Variants in ANKFN1 observed in about 807,000 individuals in gnomAD.
The protein encoded by ANKFN1 is ankyrin repeat and fibronectin type-III domain-containing protein 1.
A neutral mutation model predicts 108.7 loss-of-function variants in ANKFN1; 74 were observed. That is an observed-to-expected ratio of 0.68 (90% confidence interval 0.56 to 0.83). The LOEUF (loss-of-function observed/expected upper bound fraction) is 0.83, where lower values mean the gene tolerates loss of function less well. Ranked by LOEUF, ANKFN1 falls within the 40% of genes least tolerant of loss-of-function variation. ANKFN1 has a pLI of 0.00. For missense variants in ANKFN1, 1,505 were observed against 1,382.3 expected (o/e 1.09, Z -1.41); for synonymous variants, 547 against 516.2 (o/e 1.06, Z -0.81).
chr17:56,510,524 C>A lies in ANKFN1; in HGVS notation c.2696C>A (p.Thr899Asn), dbSNP rs1324884580. The A allele has an allele frequency of 6.5e-7, 1 of 1,536,214 alleles. No individual in the cohort carries two copies. Among genetic ancestry groups the A allele is most frequent in the Admixed American group, 2.0e-5 (1 of 51,006 alleles). Residue 899 changes from threonine (T) to asparagine (N), a missense_variant, in exon 21 of 21, where the codon ACC becomes AAC. By Grantham distance (65) the Thr-to-Asn change is moderately conservative (BLOSUM62 0). Coordinates refer to ENST00000682825, the MANE Select transcript of ANKFN1 (RefSeq NM_001370326.1). ...EEACSEVFLP[T>N]NSDYDSSDAL... ...GCCTGCTCAGAAGTCTTCCTCCCCA[C>A]CAACAGTGACTACGACTCCAGCGAT...
At chr17:56,080,509 C>G (rs1435365444) in intron 4 of ANKFN1, among the ~76,000 whole-genome samples, 1 of 152,166 alleles carries the variant, frequency 6.6e-6, no homozygotes, top group Non-Finnish European at 1.5e-5. Context: ...CCAAGATAAT[C>G]GTTGAGTGGC....
At chr17:56,105,744 A>T (rs1905739697) in intron 4 of ANKFN1, among the ~76,000 whole-genome samples, 1 of 99,088 alleles carries the variant, frequency 1.0e-5, no homozygotes, top group Non-Finnish European at 2.2e-5. Context: ...TGTGTGTATG[A>T]GACAGGGAGA....
intron 18 of ANKFN1, among the ~76,000 whole-genome samples, chr17:56,487,328 A>G (rs934809785): frequency 1.3e-5 from 2 of 152,148 alleles, no homozygotes; most frequent in African/African-American, 4.8e-5. Context: ...CAGGAACAGA[A>G]GGAAAAGCAG....
chr17:56,456,401 CTTTTTTTTT>C (rs397713657), intron 11 of ANKFN1, among the ~76,000 whole-genome samples: 4 of 115,498 alleles, frequency 3.5e-5, no homozygotes, highest in African/African-American at 6.6e-5. Context: ...CTTTTTTTCT[CTTTTTTTTT>C]TTTTTTTTTT....
At chr17:56,134,754 A>G (rs1907497342) in intron 4 of ANKFN1, among the ~76,000 whole-genome samples, 1 of 152,332 alleles carries the variant, frequency 6.6e-6, no homozygotes, top group South Asian at 2.1e-4. Context: ...CTATAAGCTG[A>G]AAAGATAGGT....
At chr17:56,340,931 C>T (rs754992822) in intron 4 of ANKFN1, among the ~76,000 whole-genome samples, 1 of 152,050 alleles carries the variant, frequency 6.6e-6, no homozygotes, top group African/African-American at 2.4e-5. Flanking sequence ...TCTTCCTATC[C>T]ATGAGCATGG....
At chr17:56,174,219 CTT>C (rs1157380798) in intron 1 of ANKFN1, 3 of 985,428 alleles carry the variant, frequency 3.0e-6, no homozygotes, top group Admixed American at 6.1e-5. Context: ...AGGGTTCTCT[CTT>C]TGCCAGCAGC....
At chr17:56,434,841 A>G (rs1392418248) in intron 8 of ANKFN1, among the ~76,000 whole-genome samples, 1 of 152,074 alleles carries the variant, frequency 6.6e-6, no homozygotes, top group Non-Finnish European at 1.5e-5. Context: ...GAAACTGCAC[A>G]ATTAGATGGA....
At chr17:56,430,391 G>A (rs1339136091) in intron 8 of ANKFN1, among the ~76,000 whole-genome samples, 1 of 151,922 alleles carries the variant, frequency 6.6e-6, no homozygotes, top group Non-Finnish European at 1.5e-5. Context: ...GGGAAAATGG[G>A]GAGATGTAAG....
intron 4 of ANKFN1, among the ~76,000 whole-genome samples, chr17:56,065,791 G>A (rs1473170333): frequency 6.6e-6 from 1 of 151,464 alleles, no homozygotes; most frequent in East Asian, 1.9e-4. Context: ...CTGATTGTAG[G>A]TCACCATAAC....
intron 1 of ANKFN1, among the ~76,000 whole-genome samples, chr17:56,170,579 A>G (rs1293411175): frequency 6.6e-6 from 1 of 151,514 alleles, no homozygotes; most frequent in Non-Finnish European, 1.5e-5. Flanking sequence ...CCTGGCCAAC[A>G]TGGTGAAACC....
intron 4 of ANKFN1, among the ~76,000 whole-genome samples, chr17:56,121,007 G>A (rs2143295407): frequency 6.6e-6 from 1 of 151,692 alleles, no homozygotes; most frequent in African/African-American, 2.4e-5. Context: ...CTATATCCTA[G>A]TCTTCCTAGT....
At chr17:56,468,956 A>G (rs1188761603) in intron 15 of ANKFN1, among the ~76,000 whole-genome samples, 1 of 152,186 alleles carries the variant, frequency 6.6e-6, no homozygotes, top group East Asian at 1.9e-4. Context: ...GGTGACTAAT[A>G]CACTAATCCC....
chr17:56,111,894 C>T (rs895886067), intron 4 of ANKFN1, among the ~76,000 whole-genome samples: 13 of 152,234 alleles, frequency 8.5e-5, no homozygotes, highest in South Asian at 4.1e-4. Flanking sequence ...GCTGTTCCAG[C>T]GGCACAGCCT....
At chr17:56,126,034 C>T (rs1437235610) in intron 4 of ANKFN1, among the ~76,000 whole-genome samples, 2 of 152,162 alleles carry the variant, frequency 1.3e-5, no homozygotes, top group Non-Finnish European at 2.9e-5. Context: ...TCTGGCCCCG[C>T]CCGGGGCTGC....
chr17:56,061,213 A>G (rs1331439166), intron 4 of ANKFN1, among the ~76,000 whole-genome samples: 1 of 101,542 alleles, frequency 9.8e-6, no homozygotes. Context: ...TTTCTAGTTT[A>G]TTTGCATAGA....
chr17:56,458,503 G>A (rs934156641), intron 14 of ANKFN1, among the ~76,000 whole-genome samples: 9 of 151,832 alleles, frequency 5.9e-5, no homozygotes, highest in Non-Finnish European at 1.0e-4. Flanking sequence ...AGAGAACAAC[G>A]CTTAAAAGAT....
intron 8 of ANKFN1, among the ~76,000 whole-genome samples, chr17:56,425,641 GC>G (rs2048540109): frequency 6.6e-6 from 1 of 151,990 alleles, no homozygotes; most frequent in Non-Finnish European, 1.5e-5. Context: ...ATGACTCCGT[GC>G]CTTTGCACAC....
chr17:56,491,877 T>C (rs529493664), intron 18 of ANKFN1, among the ~76,000 whole-genome samples: 1 of 152,256 alleles, frequency 6.6e-6, no homozygotes, highest in East Asian at 1.9e-4. Context: ...TGTGTGTATA[T>C]GTGTGTGTGT....
Sources: allele counts gnomAD v4.1 joint callset (sites outside exome capture counted in the v4.1 genomes callset), GRCh38; gene constraint gnomAD v4.1.1; transcripts MANE v1.5; gene names NCBI Gene and HGNC (gene_info 2026-07-23, HGNC 2026-07-21).